DDX50: variants seen among roughly 807,000 people sequenced by gnomAD.
The protein encoded by DDX50 is DExD-box helicase 50, also known as ATP-dependent RNA helicase DDX50.
Under a neutral mutation model 94.8 loss-of-function variants are expected in DDX50, and 56 were observed. The ratio of observed to expected loss-of-function variants is 0.59; its 90% CI spans 0.48 to 0.74. The LOEUF is 0.74. Ranked by LOEUF, DDX50 falls within the 30% of genes least tolerant of loss-of-function variation. The pLI, the probability that DDX50 is intolerant of heterozygous loss-of-function variation, is 0.00. For synonymous variants in DDX50, 264 were observed against 295.4 expected (o/e 0.89, Z 1.09); for missense variants, 713 against 881.2 (o/e 0.81, Z 2.42).
intron 1 of DDX50, among the ~76,000 whole-genome samples, chr10:68,901,789 C>T (rs989405312): frequency 2.6e-5 from 4 of 152,226 alleles, no homozygotes; most frequent in Non-Finnish European, 1.5e-5. Context: ...GAAGCAGTGA[C>T]GCTTGCCATT....
chr10:68,919,048 CTAGGAGCAA>C (rs1055459670), intron 7 of DDX50, among the ~76,000 whole-genome samples: 14 of 152,064 alleles, frequency 9.2e-5, no homozygotes, highest in Non-Finnish European at 1.9e-4. Context: ...GGTTTGTAGC[CTAGGAGCAA>C]TAGGACATAC....
chr10:68,936,199 A>G, intron 11 of DDX50, 120 bp downstream of exon 11: 1 of 730,982 alleles, frequency 1.4e-6, no homozygotes, highest in Non-Finnish European at 2.1e-6. Context: ...ACATTTAGTT[A>G]TATTAAAATA....
At chr10:68,923,937 CTTTTTTTTTT>C (rs56820953) in intron 8 of DDX50, among the ~76,000 whole-genome samples, 1 of 42,442 alleles carries the variant, frequency 2.4e-5, no homozygotes, top group East Asian at 8.7e-4. Context: ...AGATAGTCTG[CTTTTTTTTTT>C]TTTTTTTTTT....
At chr10:68,918,428 C>CTTTTTTTTTTTTTTTTTTTTTTTTT (rs34777951) in intron 7 of DDX50, among the ~76,000 whole-genome samples, 2 of 57,032 alleles carry the variant, frequency 3.5e-5, no homozygotes, top group Non-Finnish European at 3.1e-5. Flanking sequence ...CCATTCCCTC[C>CTTTTTTTTTTTTTTTTTTTTTTTTT]TTTTTTTTTT....
At position 68,914,198 on chromosome 10, in the gene DDX50, T is replaced by C; in HGVS notation, c.1083T>C (p.Thr361=). The C allele has an allele frequency of 6.2e-7, 1 of 1,610,294 alleles. No homozygotes were observed. Among genetic ancestry groups the C allele is most frequent in the South Asian group, 1.1e-5 (1 of 89,894 alleles). The change falls in exon 7 of 15, where the codon ACT becomes ACC. Residue 361 remains threonine, a synonymous_variant. Coordinates refer to ENST00000373585, the MANE Select transcript of DDX50 (RefSeq NM_024045.2). ...VGKMTQKAAT[T]VEHLAIQCHW... is the part of the protein sequence containing the mutation. ...AAATGACTCAAAAGGCTGCAACTACTGTGGAAGTAAGTAGCTTTCTAGCAT... is the reference window on the plus strand; with the variant it reads ...AAATGACTCAAAAGGCTGCAACTACCGTGGAAGTAAGTAGCTTTCTAGCAT...
intron 2 of DDX50, among the ~76,000 whole-genome samples, chr10:68,907,472 T>C (rs1841493814): frequency 6.6e-6 from 1 of 151,784 alleles, no homozygotes; most frequent in Non-Finnish European, 1.5e-5. Flanking sequence ...CGCACCACCA[T>C]GCCTGGCAAA....
chr10:68,918,856 A>G (rs1244448570), intron 7 of DDX50, among the ~76,000 whole-genome samples: 2 of 152,212 alleles, frequency 1.3e-5, no homozygotes. Context: ...GATGGACCAT[A>G]TATATGATGG....
Position 68,906,827 on chromosome 10 carries a change from G to C in DDX50, c.204G>C (p.Glu68Asp), listed in dbSNP as rs1841463161. ...APKAKKSKMK[E>D]KLNGDTEEGF... ...AGGCCAAAAAATCTAAAATGAAAGA[G>C]AAGCTAAATGGAGACACTGAAGAAG... Residue 68 changes from glutamate to aspartate, a missense_variant, in exon 2 of 15, where the codon GAG (glutamate) becomes GAC (aspartate). Physicochemically the swap from Glu to Asp is conservative, Grantham distance 45. Coordinates refer to ENST00000373585, the MANE Select transcript of DDX50 (RefSeq NM_024045.2). 2 of 1,613,612 alleles carry C rather than the reference G, an allele frequency of 1.2e-6. No homozygotes were observed. The highest frequency in any genetic ancestry group is 1.7e-6 in the Non-Finnish European group (2 of 1,179,958).
intron 10 of DDX50, among the ~76,000 whole-genome samples, chr10:68,935,650 C>T (rs1484442013): frequency 6.6e-6 from 1 of 152,078 alleles, no homozygotes; most frequent in Non-Finnish European, 1.5e-5. Context: ...GCCTGCCCAA[C>T]ATGGTGAAAC....
intron 8 of DDX50, among the ~76,000 whole-genome samples, chr10:68,921,868 C>T (rs1841949347): frequency 6.6e-6 from 1 of 151,966 alleles, no homozygotes; most frequent in African/African-American, 2.4e-5. Context: ...ATCTTTTTTC[C>T]TTATATGTGA....
At chr10:68,912,817 C>G (rs1564602981) in intron 4 of DDX50, among the ~76,000 whole-genome samples, 2 of 152,144 alleles carry the variant, frequency 1.3e-5, no homozygotes, top group African/African-American at 4.8e-5. Flanking sequence ...GACATAAATT[C>G]CTGCCTTCAT....
intron 8 of DDX50, among the ~76,000 whole-genome samples, chr10:68,931,648 C>G (rs1019750336): frequency 6.6e-6 from 1 of 151,442 alleles, no homozygotes; most frequent in Non-Finnish European, 1.5e-5. Flanking sequence ...TGGTCTCGAA[C>G]TCCTGACCTC....
intron 12 of DDX50, among the ~76,000 whole-genome samples, chr10:68,940,481 G>A (rs1842530341): frequency 6.6e-6 from 1 of 151,762 alleles, no homozygotes; most frequent in African/African-American, 2.4e-5. Flanking sequence ...GTGCAGTGGT[G>A]CAATCTCGGC....
Position 68,913,378 on chromosome 10 carries a change from T to A in DDX50, c.758-13T>A. ...GAATTTTACATATTGGTGGCATTTC[T>A]CTCTTCTCACAGTTAATCATATTCG... On this transcript the variant is annotated splice_polypyrimidine_tract_variant and intron_variant, in intron 5 of 14. Transcript: ENST00000373585. The A allele has an allele frequency of 6.2e-7, 1 of 1,606,552 alleles. No individual in the cohort carries two copies. The highest frequency in any genetic ancestry group is 8.5e-7 in the Non-Finnish European group (1 of 1,176,666).
chr10:68,935,974 A>G (rs1420642801), intron 10 of DDX50, 32 bp from the exon 11 acceptor site: 1 of 1,454,882 alleles, frequency 6.9e-7, no homozygotes, highest in Non-Finnish European at 9.4e-7. Context: ...AAAGACTTCC[A>G]TTTTTCTTTA....
chr10:68,946,439 A>T lies in DDX50; in HGVS notation c.2023A>T (p.Asn675Tyr). 1 of 1,614,264 alleles carries T rather than the reference A, an allele frequency of 6.2e-7. No individual in the cohort carries two copies. The highest frequency in any genetic ancestry group is 2.2e-5 in the East Asian group (1 of 44,892). ...ATATTATGATGGAAACACATCTTCTAATTCCAGACAGAGGAGTGGCTGGTC... is the reference window on the plus strand; with the variant it reads ...ATATTATGATGGAAACACATCTTCTTATTCCAGACAGAGGAGTGGCTGGTC... ...EEYYDGNTSSNSRQRSGWSSG... is the reference protein window; with the variant it reads ...EEYYDGNTSSYSRQRSGWSSG... The change falls in exon 15 of 15, where the codon AAT becomes TAT. Residue 675 changes from asparagine to tyrosine, a missense_variant. Transcript: ENST00000373585.
chr10:68,929,896 C>G (rs989060920), intron 8 of DDX50, among the ~76,000 whole-genome samples: 2 of 151,802 alleles, frequency 1.3e-5, no homozygotes, highest in African/African-American at 4.8e-5. Flanking sequence ...CCATACCCGG[C>G]TAATTTTTGT....
At chr10:68,910,483 A>G (rs1478500718) in intron 3 of DDX50, 101 bp downstream of exon 3, 6 of 836,020 alleles carry the variant, frequency 7.2e-6, no homozygotes, top group African/African-American at 1.9e-5. Flanking sequence ...GCTCACTGCA[A>G]CCTCCGCCTC....
intron 8 of DDX50, among the ~76,000 whole-genome samples, chr10:68,930,630 C>G (rs1166569066): frequency 6.6e-6 from 1 of 152,012 alleles, no homozygotes; most frequent in Non-Finnish European, 1.5e-5. Context: ...TCATTTTGTG[C>G]ACACACTCCA....
Sources: gnomAD v4.1 joint callset for allele counts (sites outside exome capture counted in the v4.1 genomes callset) on GRCh38, gnomAD v4.1.1 for gene constraint, MANE v1.5 for transcripts, NCBI Gene and HGNC (gene_info 2026-07-23, HGNC 2026-07-21) for gene names.